ANO10: variants seen among roughly 807,000 people sequenced by gnomAD.
The protein encoded by ANO10 is anoctamin 10.
In ANO10, 77 loss-of-function variants were observed where a neutral mutation model predicts 74.7. The ratio of observed to expected loss-of-function variants is 1.03; its 90% CI spans 0.86 to 1.25. The LOEUF is 1.25. Ranked by LOEUF, ANO10 falls within the 50% of genes most tolerant of loss-of-function variation. ANO10 has a pLI of 0.00. For missense variants in ANO10, 721 were observed against 778.1 expected (o/e 0.93, Z 0.87); for synonymous variants, 279 against 284.9 (o/e 0.98, Z 0.21).
In ANO10 at chr3:43,523,481, G is replaced by A. The variant is rs1011461561; in HGVS notation, c.1797+26239C>T. On this transcript the variant is annotated intron_variant, in intron 11 of 12. Coordinates refer to ENST00000292246, the MANE Select transcript of ANO10 (RefSeq NM_018075.5). ...CCAAGACTGGGGAGCCTGGATGCCA[G>A]TTAAGAACATGCTATGCTGTAGCAA... is the stretch of plus-strand genomic sequence containing the variant. Among the ~76,000 whole-genome samples, 6 of 152,304 alleles carry A rather than the reference G, an allele frequency of 3.9e-5. No homozygotes were observed. The East Asian group carries it at 1.2e-3, about 29-fold the overall frequency.
At chr3:43,644,637 G>A (rs138754519) in intron 1 of ANO10, among the ~76,000 whole-genome samples, 28 of 152,322 alleles carry the variant, frequency 1.8e-4, no homozygotes, top group Non-Finnish European at 4.0e-4. Context: ...ACTCTGATGG[G>A]GGACTGTCAC....
intron 12 of ANO10, among the ~76,000 whole-genome samples, chr3:43,409,313 C>T (rs747960006): frequency 9.2e-5 from 14 of 151,452 alleles, no homozygotes; most frequent in Non-Finnish European, 1.6e-4. Flanking sequence ...TTTGGGAGGC[C>T]GAGGCGGGTG....
intron 5 of ANO10, 90 bp from the exon 6 acceptor site, chr3:43,577,351 G>C: frequency 1.5e-6 from 2 of 1,296,176 alleles, no homozygotes; most frequent in Non-Finnish European, 2.2e-6. Context: ...TTTTAGTTAA[G>C]TGGGGATCAT....
intron 1 of ANO10, among the ~76,000 whole-genome samples, chr3:43,616,543 T>C (rs528377029): frequency 1.3e-5 from 2 of 152,306 alleles, no homozygotes; most frequent in Admixed American, 6.5e-5. Flanking sequence ...GAGAATCATG[T>C]AGGTAGAGGG....
At chr3:43,548,362 T>G (rs2079297202) in intron 11 of ANO10, among the ~76,000 whole-genome samples, 1 of 152,194 alleles carries the variant, frequency 6.6e-6, no homozygotes, top group Non-Finnish European at 1.5e-5. Flanking sequence ...AGGTCATAAA[T>G]CAGCCTTGCA....
chr3:43,382,274 C>T (rs1246235620), intron 12 of ANO10, among the ~76,000 whole-genome samples: 1 of 152,140 alleles, frequency 6.6e-6, no homozygotes, highest in African/African-American at 2.4e-5. Context: ...AATCCCAGCA[C>T]TTTGGGAGGC....
chr3:43,642,692 G>A (rs2083682725), intron 1 of ANO10, among the ~76,000 whole-genome samples: 1 of 151,496 alleles, frequency 6.6e-6, no homozygotes, highest in Non-Finnish European at 1.5e-5. Flanking sequence ...CCTCCTATAG[G>A]TAATTATTTT....
intron 11 of ANO10, among the ~76,000 whole-genome samples, chr3:43,463,721 G>C (rs1273352198): frequency 6.6e-6 from 1 of 152,222 alleles, no homozygotes; most frequent in Non-Finnish European, 1.5e-5. Flanking sequence ...TCTTGGATGA[G>C]TGGACTGTGG....
chr3:43,479,505 T>C (rs531438250), intron 11 of ANO10, among the ~76,000 whole-genome samples: 1 of 152,154 alleles, frequency 6.6e-6, no homozygotes, highest in Non-Finnish European at 1.5e-5. Context: ...TCTAATGAAA[T>C]GTGATTGGTA....
chr3:43,411,083 AATT>A (rs1253132831), intron 12 of ANO10, among the ~76,000 whole-genome samples: 3 of 150,788 alleles, frequency 2.0e-5, no homozygotes, highest in African/African-American at 7.5e-5. Context: ...TTGAAAACCA[AATT>A]ATTACCTCCA....
chr3:43,397,819 G>T (rs1386602721), intron 12 of ANO10, among the ~76,000 whole-genome samples: 1 of 152,176 alleles, frequency 6.6e-6, no homozygotes, highest in African/African-American at 2.4e-5. Flanking sequence ...AAACTGGGGC[G>T]AATGTAGAAC....
At chr3:43,663,677 A>G (rs1442974009) in intron 1 of ANO10, among the ~76,000 whole-genome samples, 1 of 152,212 alleles carries the variant, frequency 6.6e-6, no homozygotes, top group Non-Finnish European at 1.5e-5. Context: ...TAAGCTGATA[A>G]GCAACTTCAG....
intron 1 of ANO10, among the ~76,000 whole-genome samples, chr3:43,683,003 C>A (rs2084222091): frequency 6.6e-6 from 1 of 152,152 alleles, no homozygotes; most frequent in Non-Finnish European, 1.5e-5. Flanking sequence ...TGGAAGCATT[C>A]CCTTTGAAAA....
intron 4 of ANO10, among the ~76,000 whole-genome samples, chr3:43,596,179 C>A (rs111280738): frequency 0.6 from 90,860 of 151,934 alleles, 27,886 homozygotes; most frequent in East Asian, 0.89. Flanking sequence ...TGAAAATAGC[C>A]ATACTGCCCG....
intron 12 of ANO10, chr3:43,372,712 A>C: frequency 3.9e-6 from 3 of 770,872 alleles, no homozygotes; most frequent in Non-Finnish European, 6.4e-6. Context: ...TTTCTGTCTT[A>C]AATGTTCTAT....
rs1000323854 is a variant in ANO10 at position 43,665,347 on chromosome 3, G to A, written c.-12+26170C>T. Among the ~76,000 whole-genome samples the A allele has an allele frequency of 2.6e-5, 4 of 152,170 alleles. No homozygotes were observed. The East Asian group carries it at 7.8e-4, about 30-fold the overall frequency. On this transcript the variant is annotated intron_variant, in intron 1 of 3. Coordinates refer to the ANO10 transcript ENST00000413397. ...AATGAGAACACATGGACACAGGGAG[G>A]GGAACATCACACACCAGGGCCTGTG...
At chr3:43,446,205 T>G (rs2093244040) in intron 11 of ANO10, among the ~76,000 whole-genome samples, 1 of 152,224 alleles carries the variant, frequency 6.6e-6, no homozygotes, top group Non-Finnish European at 1.5e-5. Context: ...GAAGGAATGC[T>G]TCCCATCTTC....
chr3:43,684,460 G>A (rs926681085), intron 1 of ANO10, among the ~76,000 whole-genome samples: 1 of 152,152 alleles, frequency 6.6e-6, no homozygotes, highest in Non-Finnish European at 1.5e-5. Flanking sequence ...TGGAGAAATA[G>A]GAACACTTTT....
intron 12 of ANO10, among the ~76,000 whole-genome samples, chr3:43,415,233 T>C (rs2092720773): frequency 6.6e-6 from 1 of 152,000 alleles, no homozygotes. Flanking sequence ...CGCCTTGGCC[T>C]CCTCAAGTGC....
Sources: gnomAD v4.1 joint callset for allele counts (sites outside exome capture counted in the v4.1 genomes callset) on GRCh38, gnomAD v4.1.1 for gene constraint, MANE v1.5 for transcripts, NCBI Gene and HGNC (gene_info 2026-07-23, HGNC 2026-07-21) for gene names.